ASTN2: variants seen among roughly 807,000 people sequenced by gnomAD.
The protein encoded by ASTN2 is astrotactin-2.
Under a neutral mutation model 139.8 loss-of-function variants are expected in ASTN2, and 54 were observed. That is an observed-to-expected ratio of 0.39 (90% confidence interval 0.31 to 0.48). The LOEUF (loss-of-function observed/expected upper bound fraction) is 0.48. Among genes scored for constraint, ASTN2 ranks in the 20% least tolerant of loss-of-function variants. The pLI is 0.95. For missense variants in ASTN2, 1,565 were observed against 1,725.1 expected (o/e 0.91, Z 1.64); for synonymous variants, 756 against 719.5 (o/e 1.05, Z -0.81).
chr9:116,854,809 G>A (rs984021938), intron 11 of ASTN2, among the ~76,000 whole-genome samples: 5 of 151,770 alleles, frequency 3.3e-5, no homozygotes, highest in African/African-American at 7.3e-5. Flanking sequence ...CTGCCACCAC[G>A]CTCTGCTAAT....
At chr9:116,458,797 G>A (rs942679968) in intron 20 of ASTN2, among the ~76,000 whole-genome samples, 1 of 151,902 alleles carries the variant, frequency 6.6e-6, no homozygotes, top group Admixed American at 6.6e-5. Flanking sequence ...TGTATTCATG[G>A]ACTGGAAGGC....
chr9:116,529,586 G>T (rs1851233771), intron 19 of ASTN2, among the ~76,000 whole-genome samples: 1 of 152,022 alleles, frequency 6.6e-6, no homozygotes, highest in Non-Finnish European at 1.5e-5. Flanking sequence ...ATTTGGGAGG[G>T]GCCAGGGGCA....
At chr9:116,984,628 C>G (rs753364294) in intron 7 of ASTN2, among the ~76,000 whole-genome samples, 1 of 152,014 alleles carries the variant, frequency 6.6e-6, no homozygotes, top group Non-Finnish European at 1.5e-5. Flanking sequence ...GAAGGAGAGA[C>G]TAAAGTAAGA....
chr9:117,329,395 T>C (rs1022152718), intron 1 of ASTN2, among the ~76,000 whole-genome samples: 1 of 151,950 alleles, frequency 6.6e-6, no homozygotes, highest in Non-Finnish European at 1.5e-5. Context: ...CCTCCAGTGC[T>C]GACACAAGAA....
At chr9:117,095,460 G>A (rs1156923709) in intron 5 of ASTN2, among the ~76,000 whole-genome samples, 26 of 152,184 alleles carry the variant, frequency 1.7e-4, no homozygotes, top group Admixed American at 1.7e-3. Flanking sequence ...AATTTTATCT[G>A]TTGAAGAAAC....
At chr9:117,029,782 T>C (rs1838195034) in intron 6 of ASTN2, among the ~76,000 whole-genome samples, 1 of 152,018 alleles carries the variant, frequency 6.6e-6, no homozygotes, top group South Asian at 2.1e-4. Context: ...CTATCTTCCT[T>C]CTTCTAGCCA....
intron 1 of ASTN2, among the ~76,000 whole-genome samples, chr9:117,337,186 T>A (rs1043749671): frequency 1.3e-5 from 2 of 151,750 alleles, no homozygotes; most frequent in Non-Finnish European, 2.9e-5. Context: ...GTGCAACAAA[T>A]TACTATGAAA....
At chr9:117,039,171 C>T (rs958515694) in intron 6 of ASTN2, among the ~76,000 whole-genome samples, 3 of 152,062 alleles carry the variant, frequency 2.0e-5, no homozygotes, top group Non-Finnish European at 4.4e-5. Context: ...AAAACTTTAT[C>T]GTTGCTCATA....
At chr9:116,805,872 T>A in intron 12 of ASTN2, 52 bp from the exon 13 acceptor site, 1 of 1,574,046 alleles carries the variant, frequency 6.4e-7, no homozygotes, top group Non-Finnish European at 8.6e-7. Context: ...AATGCCCCCA[T>A]TGGGGGTGAC....
chr9:117,336,458 T>A (rs1184652270), intron 1 of ASTN2, among the ~76,000 whole-genome samples: 1 of 152,116 alleles, frequency 6.6e-6, no homozygotes, highest in Non-Finnish European at 1.5e-5. Flanking sequence ...ATGCAGCGCT[T>A]CCCTACAGGG....
chr9:116,536,208 A>G (rs1237122357), intron 19 of ASTN2, among the ~76,000 whole-genome samples: 1 of 151,848 alleles, frequency 6.6e-6, no homozygotes. Context: ...CAGCTCCATC[A>G]GGTCATTTAA....
chr9:117,349,930 A>G (rs1476894437), intron 1 of ASTN2, among the ~76,000 whole-genome samples: 3 of 152,198 alleles, frequency 2.0e-5, no homozygotes. Flanking sequence ...AGACATAAGG[A>G]TTAAATGCAA....
intron 1 of ASTN2, among the ~76,000 whole-genome samples, chr9:117,306,421 C>T (rs1426238328): frequency 3.9e-5 from 6 of 152,152 alleles, no homozygotes; most frequent in African/African-American, 9.7e-5. Context: ...CTCAAGGACA[C>T]GCTCTCTGTA....
chr9:117,031,469 A>C (rs574777650), intron 6 of ASTN2, among the ~76,000 whole-genome samples: 1 of 152,308 alleles, frequency 6.6e-6, no homozygotes, highest in East Asian at 1.9e-4. Context: ...AGCGGGCATC[A>C]AGTATGTTTT....
At chr9:116,584,513 C>A (rs1410480364) in intron 19 of ASTN2, 2 of 152,096 alleles carry the variant, frequency 1.3e-5, no homozygotes, top group Admixed American at 1.3e-4. Flanking sequence ...CAAAACAAAG[C>A]TTTTGCAGCA....
intron 1 of ASTN2, among the ~76,000 whole-genome samples, chr9:117,314,356 C>A (rs961597876): frequency 6.6e-6 from 1 of 152,004 alleles, no homozygotes; most frequent in African/African-American, 2.4e-5. Flanking sequence ...ACAGTGAGTG[C>A]TCTTGGCCAA....
chr9:116,481,444 C>T (rs1849164868), intron 20 of ASTN2, among the ~76,000 whole-genome samples: 1 of 152,152 alleles, frequency 6.6e-6, no homozygotes, highest in Admixed American at 6.5e-5. Context: ...CCCAAGGCCA[C>T]ACAGTGGGTA....
intron 16 of ASTN2, among the ~76,000 whole-genome samples, chr9:116,655,608 C>T (rs1251186273): frequency 1.3e-5 from 2 of 152,176 alleles, no homozygotes; most frequent in Admixed American, 6.5e-5. Context: ...TCCAGGCTAA[C>T]TTCCACTCAT....
At chr9:116,932,492 T>C (rs1834929142) in intron 10 of ASTN2, among the ~76,000 whole-genome samples, 2 of 152,144 alleles carry the variant, frequency 1.3e-5, no homozygotes, top group African/African-American at 2.4e-5. Context: ...AGCTCCAGGT[T>C]TCCTCCTTCA....
Sources: gnomAD v4.1 joint callset for allele counts (sites outside exome capture counted in the v4.1 genomes callset) on GRCh38, gnomAD v4.1.1 for gene constraint, MANE v1.5 for transcripts, NCBI Gene and HGNC (gene_info 2026-07-23, HGNC 2026-07-21) for gene names.